Variants in DNAJA4 observed in about 807,000 individuals in gnomAD.
The protein encoded by DNAJA4 is DnaJ heat shock protein family (Hsp40) member A4.
DNAJA4 carries 32 observed loss-of-function variants against 39.7 expected under a neutral mutation model. The ratio of observed to expected loss-of-function variants is 0.81; its 90% confidence interval spans 0.61 to 1.08. The LOEUF (loss-of-function observed/expected upper bound fraction) is 1.08, where lower values mean the gene tolerates loss of function less well. DNAJA4 is among the 50% of genes least tolerant of loss of function. DNAJA4 has a pLI of 0.00. For missense variants in DNAJA4, 439 were observed against 505.1 expected, an observed-to-expected ratio of 0.87 and a Z score of 1.25; for synonymous variants, 184 against 182.4, an observed-to-expected ratio of 1.01 and a Z score of -0.07.
At chr15:78,280,205 A>T (rs1302551211) in intron 6 of DNAJA4, 40 bp from the exon 7 acceptor site, 3 of 1,611,000 alleles carry the variant, frequency 1.9e-6, no homozygotes. Context: ...TTGGAAGGGG[A>T]AAAAACAGCC....
intron 1 of DNAJA4, among the ~76,000 whole-genome samples, chr15:78,268,408 A>C (rs749148617): frequency 9.2e-5 from 14 of 152,196 alleles, no homozygotes; most frequent in Non-Finnish European, 1.9e-4. Context: ...TATGATGCTG[A>C]TGTCTTTTTA....
Position 78,280,726 on chromosome 15 carries a change from GA to G in DNAJA4, c.*267del. 2.7e-6 allele frequency: 1 copy of G among 365,766 alleles called. No individual in the cohort carries two copies. Among genetic ancestry groups the G allele is most frequent in the Non-Finnish European group, 4.9e-6 (1 of 202,052 alleles). The allele number at this position is 365,766 out of a possible 1,614,324, so 22.7% of individuals were successfully genotyped here. A position where few individuals can be genotyped will look rare whatever the true frequency, so the allele number is the denominator to read the frequency against. On this transcript the variant is annotated 3_prime_UTR_variant, in exon 7 of 7. Transcript: ENST00000394852. ...TTCTATTTTCAGGATATACTTTTGA[GA>G]TGTCAGTGATTGCACCAATACTTTG...
rs187230874 is a variant in DNAJA4 at position 78,272,199 on chromosome 15, C to T, written c.314-896C>T. On this transcript the variant is annotated intron_variant, in intron 2 of 6. Coordinates refer to ENST00000394852, the MANE Select transcript of DNAJA4 (RefSeq NM_001130182.2). ...AAAAATACAAAAACTTAGGTGGGCG[C>T]GGTGGCAGGCGCCTGTAGTCCCAGC... 4.7e-4 allele frequency among the ~76,000 whole-genome samples: 71 copies of T among 152,068 alleles called. No individual in the cohort carries two copies. In the East Asian group the frequency reaches 0.011, roughly 24 times the overall value.
intron 1 of DNAJA4, chr15:78,266,426 G>GT: frequency 1.3e-6 from 1 of 748,362 alleles, no homozygotes; most frequent in Non-Finnish European, 2.1e-6. Context: ...GTCTGGGCAG[G>GT]TTGTTTGGTT....
chr15:78,277,145 T>A (rs1272218718), intron 5 of DNAJA4, among the ~76,000 whole-genome samples: 3 of 152,220 alleles, frequency 2.0e-5, no homozygotes, highest in African/African-American at 7.2e-5. Context: ...CCATTTGGTT[T>A]GTCATTTGAT....
rs1212820019 is a variant in DNAJA4, at chr15:78,281,366, G to A, written c.*906G>A. On this transcript the variant is annotated 3_prime_UTR_variant, in exon 7 of 7. Transcript: ENST00000394852. Reference sequence around the variant, plus strand: ...CCAGCTTCTCTGACCAGTAATCCGGGGTGACTTGAGGGTCTGCAAAGGCAT... The same window carrying A: ...CCAGCTTCTCTGACCAGTAATCCGGAGTGACTTGAGGGTCTGCAAAGGCAT... The A allele has an allele frequency of 6.6e-6, 1 of 152,552 alleles. No homozygotes were observed. The highest frequency in any genetic ancestry group is 2.4e-5 in the African/African-American group (1 of 41,442). 9.4% of individuals were successfully genotyped at this position (152,552 alleles called of 1,614,324 possible).
chr15:78,267,165 AGTGTGTGAGT>A lies in DNAJA4; in HGVS notation c.132+2276_132+2285del, dbSNP rs1279472355. On this transcript the variant is annotated intron_variant, in intron 1 of 6. Coordinates refer to ENST00000394852, the MANE Select transcript of DNAJA4 (RefSeq NM_001130182.2). ...GAGTGTGTGTGTGAGTGTGTATGTG[AGTGTGTGAGT>A]GTGTGAGTGTGTGTGTGAGTGTGTA... Among the ~76,000 whole-genome samples the A allele has an allele frequency of 5.5e-3, 596 of 108,742 alleles. 7 individuals carry two copies. Among genetic ancestry groups the A allele is most frequent in the African/African-American group, 0.022 (573 of 25,674 alleles). The allele number at this position is 108,742 out of a possible 152,430, so 71.3% of individuals were successfully genotyped here. A position where few individuals can be genotyped will look rare whatever the true frequency, so the allele number is the denominator to read the frequency against.
chr15:78,271,600 A>G (rs1392951649), intron 2 of DNAJA4, among the ~76,000 whole-genome samples: 2 of 152,192 alleles, frequency 1.3e-5, no homozygotes, highest in Non-Finnish European at 2.9e-5. Context: ...CCAGGAGGTG[A>G]ATGAGGAACT....
At chr15:78,264,936 C>A (rs769314921) in intron 1 of DNAJA4, 41 bp downstream of exon 1, 2 of 1,530,898 alleles carry the variant, frequency 1.3e-6, no homozygotes, top group African/African-American at 1.4e-5. Context: ...TCCCGAGGGG[C>A]CAAGGGTTAT....
Position 78,271,405 on chromosome 15 carries a change from CT to C in DNAJA4, c.313+729del, listed in dbSNP as rs373140777. Among the ~76,000 whole-genome samples, 24 of 152,244 alleles carry C rather than the reference CT, an allele frequency of 1.6e-4. No individual in the cohort carries two copies. In the East Asian group the frequency reaches 4.4e-3, roughly 28 times the overall value. ...TTTGTGGCCCTCCATGTTCCCTGACCTGGGCGTGGGCTGCAGGCTCTCTAAT... is the reference window on the plus strand; with the variant it reads ...TTTGTGGCCCTCCATGTTCCCTGACCGGGCGTGGGCTGCAGGCTCTCTAAT... On this transcript the variant is annotated intron_variant, in intron 2 of 6. Transcript: ENST00000394852.
chr15:78,270,748 T>C (rs1232894802), intron 2 of DNAJA4, 71 bp downstream of exon 2: 9 of 1,521,978 alleles, frequency 5.9e-6, no homozygotes, highest in Non-Finnish European at 8.0e-6. Flanking sequence ...GGAATCAGGA[T>C]AGATCATGCT....
In DNAJA4 at chr15:78,270,634, C is replaced by A; in HGVS notation, c.270C>A (p.Asp90Glu). 1 of 1,614,156 alleles carries A rather than the reference C, an allele frequency of 6.2e-7. No individual in the cohort carries two copies. Among genetic ancestry groups the A allele is most frequent in the Non-Finnish European group, 8.5e-7 (1 of 1,180,032 alleles). The change falls in exon 2 of 7, where the codon GAC becomes GAA. Residue 90 changes from aspartate (D) to glutamate (E), a missense_variant. Transcript: ENST00000394852. The stretch of plus-strand genomic sequence containing the variant: ...TCTCTTCACCCATGGACATCTTTGA[C>A]ATGTTCTTTGGTGGTGGTGGACGGA... ...PSFSSPMDIF[D>E]MFFGGGGRMA...
intron 1 of DNAJA4, chr15:78,266,282 G>A (rs764503943): frequency 6.2e-7 from 1 of 1,613,924 alleles, no homozygotes; most frequent in South Asian, 1.1e-5. Flanking sequence ...TCAAATCTCA[G>A]CACTCACAAG....
In DNAJA4 at chr15:78,275,732, ATGTTTCAAAGTG is replaced by A. The variant is rs1305878231; in HGVS notation, c.877+11_877+22del. On this transcript the variant is annotated splice_donor_5th_base_variant and intron_variant, in intron 5 of 6. Transcript: ENST00000394852. ...CTTGTTATTACATCCAAAGCAGGTA[ATGTTTCAAAGTG>A]TGTTTCCATTGATGTTCTGTATGTT... 1 of 1,592,442 alleles carries A rather than the reference ATGTTTCAAAGTG, an allele frequency of 6.3e-7. No individual in the cohort carries two copies. Among genetic ancestry groups the A allele is most frequent in the Non-Finnish European group, 8.6e-7 (1 of 1,164,958 alleles).
At chr15:78,275,784 T>C in intron 5 of DNAJA4, 56 bp downstream of exon 5, 1 of 1,314,028 alleles carries the variant, frequency 7.6e-7, no homozygotes. Context: ...ATAATAATTC[T>C]GGCAAGTTAG....
Position 78,280,617 on chromosome 15 carries a change from G to T in DNAJA4, c.*157G>T. On this transcript the variant is annotated 3_prime_UTR_variant, in exon 7 of 7. Coordinates refer to ENST00000394852, the MANE Select transcript of DNAJA4 (RefSeq NM_001130182.2). ...TGAGTGTCTTTTTGGCTTTTCTTTT[G>T]GTTGTAACTTAAGTTATAGCTTAAT... is the stretch of plus-strand genomic sequence containing the variant. The T allele has an allele frequency of 1.6e-6, 1 of 609,856 alleles. No individual in the cohort carries two copies. The highest frequency in any genetic ancestry group is 3.2e-5 in the Admixed American group (1 of 31,128). 37.8% of individuals were successfully genotyped at this position (609,856 alleles called of 1,614,324 possible).
chr15:78,277,990 CTTAT>C (rs2049521249), intron 5 of DNAJA4: 4 of 454,460 alleles, frequency 8.8e-6, no homozygotes, highest in Non-Finnish European at 1.3e-5. Flanking sequence ...TTTGTGTTGG[CTTAT>C]TTCTTGTTTC....
chr15:78,274,061 G>A (rs1567117550), intron 3 of DNAJA4, 136 bp from the exon 4 acceptor site: 2 of 749,040 alleles, frequency 2.7e-6, no homozygotes, highest in African/African-American at 3.5e-5. Context: ...CTTCTGCATT[G>A]TTTTTTATTA....
chr15:78,272,253 C>T (rs1049272830), intron 2 of DNAJA4, among the ~76,000 whole-genome samples: 3 of 152,166 alleles, frequency 2.0e-5, no homozygotes, highest in Admixed American at 6.5e-5. Flanking sequence ...AGGAGAATGG[C>T]GTGAACCCAG....
Sources: gnomAD v4.1 joint callset for allele counts (sites outside exome capture counted in the v4.1 genomes callset) on GRCh38, gnomAD v4.1.1 for gene constraint, MANE v1.5 for transcripts, NCBI Gene and HGNC (gene_info 2026-07-23, HGNC 2026-07-21) for gene names.